Variants in RNF220 observed in about 807,000 individuals in gnomAD.
RNF220 encodes E3 ubiquitin-protein ligase RNF220.
In RNF220, 7 loss-of-function variants were observed where a neutral mutation model predicts 67.1. The ratio of observed to expected loss-of-function variants is 0.10; its 90% CI spans 0.06 to 0.20. RNF220 has a LOEUF of 0.20. Ranked by LOEUF, RNF220 falls within the 10% of genes least tolerant of loss-of-function variation. The probability of loss-of-function intolerance (pLI) is 1.00; values close to 1 mark genes in which losing one functional copy is unlikely to be tolerated. For missense variants in RNF220, 565 were observed against 740.3 expected, an observed-to-expected ratio of 0.76 and a Z score of 2.75; for synonymous variants, 270 against 283.2, an observed-to-expected ratio of 0.95 and a Z score of 0.47.
chr1:44,451,366 GCTA>G (rs1342789703), intron 2 of RNF220, among the ~76,000 whole-genome samples: 4 of 152,048 alleles, frequency 2.6e-5, no homozygotes, highest in South Asian at 2.1e-4. Flanking sequence ...ATTTTCTGTG[GCTA>G]CTAATGAAAT....
At chr1:44,444,748 A>C (rs932912997) in intron 2 of RNF220, among the ~76,000 whole-genome samples, 3 of 150,946 alleles carry the variant, frequency 2.0e-5, no homozygotes, top group African/African-American at 7.3e-5. Context: ...GCCTACCTTG[A>C]TTTCTATATC....
At chr1:44,450,696 C>CA (rs1315325495) in intron 2 of RNF220, among the ~76,000 whole-genome samples, 1 of 152,198 alleles carries the variant, frequency 6.6e-6, no homozygotes, top group Non-Finnish European at 1.5e-5. Flanking sequence ...GGAACTACCA[C>CA]AATTTATTTG....
chr1:44,418,487 C>G lies in RNF220; in HGVS notation c.625+5765C>G, dbSNP rs534834542. Among the ~76,000 whole-genome samples, 3 of 152,258 alleles carry G rather than the reference C, an allele frequency of 2.0e-5. No individual in the cohort carries two copies. The East Asian group carries it at 5.8e-4, about 29-fold the overall frequency. On this transcript the variant is annotated intron_variant, in intron 2 of 14. Transcript: ENST00000361799. ...CGGGATTGCTGGCATTCGGGCAAGG[C>G]GAGTCGCGGTGGCCTCTGAGGCTCG...
chr1:44,619,361 G>T (rs1242318378), intron 3 of RNF220, among the ~76,000 whole-genome samples: 1 of 152,202 alleles, frequency 6.6e-6, no homozygotes, highest in East Asian at 1.9e-4. Context: ...AGAAGAGGCG[G>T]GGTGTGGAGA....
chr1:44,455,662 A>G lies in RNF220; in HGVS notation c.625+42940A>G, dbSNP rs750725216. On this transcript the variant is annotated intron_variant, in intron 2 of 14. Coordinates refer to ENST00000361799, the MANE Select transcript of RNF220 (RefSeq NM_018150.4). ...AGACAGTAAAAACATTGAAAACCAC[A>G]TGGAAAGATGAATAAGTTGAGAGAG... Among the ~76,000 whole-genome samples, 4 of 152,362 alleles carry G rather than the reference A, an allele frequency of 2.6e-5. No individual in the cohort carries two copies. In the East Asian group the frequency reaches 7.7e-4, roughly 29 times the overall value.
intron 2 of RNF220, chr1:44,423,954 G>A (rs770660831): frequency 2.2e-4 from 220 of 985,284 alleles, no homozygotes; most frequent in Non-Finnish European, 2.5e-4. Flanking sequence ...CCTTCCAGGC[G>A]GGGCCTCTGT....
At chr1:44,407,295 G>GA (rs1164608654) in intron 1 of RNF220, among the ~76,000 whole-genome samples, 4 of 151,698 alleles carry the variant, frequency 2.6e-5, no homozygotes, top group South Asian at 2.1e-4. Flanking sequence ...GAAAAATAAA[G>GA]AAAAAAAAGG....
At chr1:44,596,672 C>T (rs949901856) in intron 2 of RNF220, among the ~76,000 whole-genome samples, 4 of 152,140 alleles carry the variant, frequency 2.6e-5, no homozygotes, top group Admixed American at 6.6e-5. Context: ...GGAAGGAAGC[C>T]GACCCACTTC....
chr1:44,540,126 G>A (rs1289528908), intron 2 of RNF220, among the ~76,000 whole-genome samples: 1 of 152,094 alleles, frequency 6.6e-6, no homozygotes, highest in Non-Finnish European at 1.5e-5. Flanking sequence ...CTCCCCTTAT[G>A]CAGCCAAGCT....
chr1:44,505,205 G>T (rs986314630), intron 2 of RNF220, among the ~76,000 whole-genome samples: 2 of 152,216 alleles, frequency 1.3e-5, no homozygotes, highest in Non-Finnish European at 2.9e-5. Context: ...TTCAGAGCAC[G>T]TGTTTGCTGC....
At chr1:44,512,907 A>T (rs982098103) in intron 2 of RNF220, among the ~76,000 whole-genome samples, 1 of 152,164 alleles carries the variant, frequency 6.6e-6, no homozygotes. Flanking sequence ...CCTGAGGAAG[A>T]GAGAGCAAGG....
At chr1:44,486,685 A>AACTT (rs1445890752) in intron 2 of RNF220, among the ~76,000 whole-genome samples, 3 of 152,180 alleles carry the variant, frequency 2.0e-5, no homozygotes, top group African/African-American at 4.8e-5. Flanking sequence ...GTGTCTGTTG[A>AACTT]ACGGTAAAGC....
intron 7 of RNF220, 42 bp from the exon 8 acceptor site, chr1:44,635,988 G>A: frequency 3.1e-6 from 5 of 1,613,670 alleles, no homozygotes; most frequent in Non-Finnish European, 3.4e-6. Flanking sequence ...GAGCAGGTGG[G>A]GATGGCCTGG....
At chr1:44,633,810 C>T (rs998578105) in intron 6 of RNF220, among the ~76,000 whole-genome samples, 2 of 152,202 alleles carry the variant, frequency 1.3e-5, no homozygotes, top group Non-Finnish European at 2.9e-5. Context: ...CTCTCAGGGT[C>T]CTTTGCTCAA....
At position 44,614,057 on chromosome 1, in the gene RNF220, A is replaced by G. The variant is rs1412450810; in HGVS notation, c.626-108A>G. On this transcript the variant is annotated intron_variant, in intron 2 of 14. Transcript: ENST00000361799. ...ACCCTCAGGCCCCTCCTCTAGGCCA[A>G]GAAGCCCTAGAGGGCAGCAGCAGGC... is the stretch of plus-strand genomic sequence containing the variant. 4 of 1,450,030 alleles carry G rather than the reference A, an allele frequency of 2.8e-6. No homozygotes were observed. The African/African-American group carries it at 5.6e-5, about 20-fold the overall frequency. 89.8% of individuals were successfully genotyped at this position (1,450,030 alleles called of 1,614,324 possible).
At chr1:44,416,422 T>C (rs1164625007) in intron 2 of RNF220, among the ~76,000 whole-genome samples, 6 of 152,246 alleles carry the variant, frequency 3.9e-5, no homozygotes, top group Non-Finnish European at 8.8e-5. Flanking sequence ...AAGATAAGTA[T>C]TGTCTGCTGT....
intron 2 of RNF220, among the ~76,000 whole-genome samples, chr1:44,474,247 T>C (rs1237552279): frequency 1.3e-5 from 2 of 151,746 alleles, no homozygotes; most frequent in Non-Finnish European, 2.9e-5. Context: ...TAGTGGTGTG[T>C]GCCTGTAATC....
chr1:44,450,077 C>T (rs1246925920), intron 2 of RNF220, among the ~76,000 whole-genome samples: 2 of 152,056 alleles, frequency 1.3e-5, no homozygotes, highest in Admixed American at 6.5e-5. Context: ...GGCCTGGTGG[C>T]GCATGCCTGT....
chr1:44,650,746 C>T lies in RNF220; in HGVS notation c.1672C>T (p.Pro558Ser). The T allele has an allele frequency of 6.2e-7, 1 of 1,614,000 alleles. No homozygotes were observed. The highest frequency in any genetic ancestry group is 8.5e-7 in the Non-Finnish European group (1 of 1,179,978). ...CCCTCAGTGCAACACGATCACAGCG[C>T]CCGGAGACCTGCGGAGGATCTACTT... is the stretch of plus-strand genomic sequence containing the variant. ...LCPQCNTITAPGDLRRIYL is the reference protein window; with the variant it reads ...LCPQCNTITASGDLRRIYL The change falls in exon 15 of 15, where the codon CCC becomes TCC. Residue 558 changes from proline to serine, a missense_variant. By Grantham distance (74) the Pro-to-Ser change is moderately conservative (BLOSUM62 -1). Transcript: ENST00000361799. The surrounding 1 kb of genome is among the most constrained non-coding windows in gnomAD (Gnocchi z 4.3).
Sources: allele counts gnomAD v4.1 joint callset (sites outside exome capture counted in the v4.1 genomes callset), GRCh38; gene constraint gnomAD v4.1.1; non-coding constraint Gnocchi (gnomAD v3.1); transcripts MANE v1.5; gene names NCBI Gene and HGNC (gene_info 2026-07-23, HGNC 2026-07-21).